The following QRICH2 variants were observed in gnomAD, a reference collection of about 807,000 sequenced individuals.
The protein encoded by QRICH2 is glutamine rich 2.
QRICH2 carries 119 observed loss-of-function variants against 168.3 expected under a neutral mutation model. The observed-to-expected ratio is 0.71, with a 90% confidence interval of 0.61 to 0.82. The LOEUF (loss-of-function observed/expected upper bound fraction) is 0.82. Ranked by LOEUF, QRICH2 falls within the 40% of genes least tolerant of loss-of-function variation. The pLI, the probability that QRICH2 is intolerant of heterozygous loss-of-function variation, is 0.00. For missense variants in QRICH2, 2,241 were observed against 2,491.6 expected (o/e 0.90, Z 2.14); for synonymous variants, 894 against 951.2 (o/e 0.94, Z 1.11).
At chr17:76,278,989 C>G (rs2070738304) in intron 14 of QRICH2, 52 bp downstream of exon 14, 2 of 1,479,866 alleles carry the variant, frequency 1.4e-6, no homozygotes, top group Non-Finnish European at 1.9e-6. Context: ...CCTTCCCCAT[C>G]CAGAGCCCTG....
Position 76,280,528 on chromosome 17 carries a change from C to T in QRICH2, c.4462-77G>A. On this transcript the variant is annotated intron_variant, in intron 10 of 18. Coordinates refer to ENST00000680821, the MANE Select transcript of QRICH2 (RefSeq NM_001388453.1). This position sits in a 1 kb window ranked among gnomAD's most constrained non-coding sequence, Gnocchi z 7.4. Reference sequence around the variant, plus strand: ...GCCCCATTCCCTGGGGGTGTCGACCCCTATCACCAGGCAGGTTTCTGAGAG... The same window carrying T: ...GCCCCATTCCCTGGGGGTGTCGACCTCTATCACCAGGCAGGTTTCTGAGAG... The T allele has an allele frequency of 6.3e-7, 1 of 1,592,948 alleles. No individual in the cohort carries two copies. Among genetic ancestry groups the T allele is most frequent in the South Asian group, 1.1e-5 (1 of 88,640 alleles).
Position 76,275,808 on chromosome 17 carries a change from AG to A in QRICH2, c.5482+10del. 12 of 1,603,674 alleles carry A rather than the reference AG, an allele frequency of 7.5e-6. No homozygotes were observed. The highest frequency in any genetic ancestry group is 1.0e-5 in the Non-Finnish European group (12 of 1,179,334). On this transcript the variant is annotated intron_variant, in intron 18 of 18. Transcript: ENST00000680821. ...AGGCCTGGCAGGACGCCCCACCCAGAGGGAAGCTACCTGAGGTGTTGCCAGC... is the reference window on the plus strand; with the variant it reads ...AGGCCTGGCAGGACGCCCCACCCAGAGGAAGCTACCTGAGGTGTTGCCAGC...
In QRICH2 at chr17:76,280,785, C is replaced by T. The variant is rs2070773584; in HGVS notation, c.4386+46G>A. 1 of 1,613,924 alleles carries T rather than the reference C, an allele frequency of 6.2e-7. No individual in the cohort carries two copies. The highest frequency in any genetic ancestry group is 8.5e-7 in the Non-Finnish European group (1 of 1,180,014). On this transcript the variant is annotated intron_variant, in intron 9 of 18. Transcript: ENST00000680821. The surrounding 1 kb of genome is among the most constrained non-coding windows in gnomAD (Gnocchi z 7.4). ...AGCCAGCAGCTGCGGGGCTAGGGCA[C>T]CACATTGAGCCCCGGCCCCATCCCA...
rs370970215 is a variant in QRICH2, at chr17:76,279,999, G to A, written c.4748+34C>T. On this transcript the variant is annotated intron_variant, in intron 12 of 18. Transcript: ENST00000680821. Reference sequence around the variant, plus strand: ...CCTCTGCCCTCACCCCCTGAAGAGCGTGCCAGCCTCCTCCCCTGCCTCCCA... The same window carrying A: ...CCTCTGCCCTCACCCCCTGAAGAGCATGCCAGCCTCCTCCCCTGCCTCCCA... The A allele has an allele frequency of 1.9e-3, 3,030 of 1,574,998 alleles. 7 individuals are homozygous for A. Among genetic ancestry groups the A allele is most frequent in the Middle Eastern group, 5.5e-3 (27 of 4,876 alleles).
chr17:76,277,547 CAT>C (rs1472708743), intron 15 of QRICH2, among the ~76,000 whole-genome samples: 1 of 152,072 alleles, frequency 6.6e-6, no homozygotes, highest in Non-Finnish European at 1.5e-5. Flanking sequence ...CACACTCACA[CAT>C]GTACTCATAC....
chr17:76,287,342 C>G (rs537853990), intron 6 of QRICH2, 36 bp from the exon 7 acceptor site: 38 of 1,497,692 alleles, frequency 2.5e-5, no homozygotes, highest in Non-Finnish European at 3.4e-5. Flanking sequence ...AGACTCCACA[C>G]TCAGGCCAGA....
chr17:76,276,871 C>A (rs1381149522), intron 16 of QRICH2, 104 bp from the exon 17 acceptor site: 4 of 895,206 alleles, frequency 4.5e-6, no homozygotes, highest in Non-Finnish European at 6.8e-6. Flanking sequence ...CAGAACCCTC[C>A]TGGGGGGCTC....
At chr17:76,276,330 G>A (rs1237190318) in intron 17 of QRICH2, among the ~76,000 whole-genome samples, 1 of 152,242 alleles carries the variant, frequency 6.6e-6, no homozygotes, top group East Asian at 1.9e-4. Flanking sequence ...GGGGGCTGAA[G>A]CGGTGGGGCT....
chr17:76,290,892 A>G, intron 4 of QRICH2, 123 bp downstream of exon 4: 1 of 1,429,790 alleles, frequency 7.0e-7, no homozygotes, highest in Non-Finnish European at 9.4e-7. Flanking sequence ...TCTGAATGAC[A>G]TGCTGTTTTC....
intron 18 of QRICH2, among the ~76,000 whole-genome samples, chr17:76,274,717 C>T (rs1568100956): frequency 6.6e-6 from 1 of 152,182 alleles, no homozygotes; most frequent in Non-Finnish European, 1.5e-5. Flanking sequence ...CATGTGCTCA[C>T]TGTCCACCAC....
upstream of QRICH2, chr17:76,309,923 T>C (rs1351842984): frequency 6.6e-6 from 1 of 152,118 alleles, no homozygotes; most frequent in African/African-American, 2.4e-5. Flanking sequence ...CGATCATCAT[T>C]ATATTCCAAT....
intron 7 of QRICH2, among the ~76,000 whole-genome samples, chr17:76,285,599 A>G (rs2070868090): frequency 6.6e-6 from 1 of 150,524 alleles, no homozygotes; most frequent in Non-Finnish European, 1.5e-5. Context: ...AGGCCAGGCC[A>G]GTACTTTGGG....
At chr17:76,294,280 C>T (rs1248232191) in intron 3 of QRICH2, among the ~76,000 whole-genome samples, 2 of 151,858 alleles carry the variant, frequency 1.3e-5, no homozygotes, top group Non-Finnish European at 2.9e-5. Context: ...CAAAATTAGC[C>T]AGGCGTGGTG....
chr17:76,308,622 C>T (rs910177203), upstream of QRICH2: 2 of 371,602 alleles, frequency 5.4e-6, no homozygotes, highest in African/African-American at 2.2e-5. Flanking sequence ...TCAGACAGTC[C>T]ACATATTTTG....
chr17:76,279,118 AC>A lies in QRICH2; in HGVS notation c.4838del (p.Gly1613ValfsTer57). ...TGHAIPVTPA[G>X]PGLPGHHSIR... is the part of the protein sequence containing the mutation. ...TGGAATGGTGCCCAGGTAGGCCTGG[AC>A]CCGCGGGGGTCACGGGGATGGCACT... On this transcript the variant is annotated frameshift_variant, in exon 14 of 19. Transcript: ENST00000680821. LOFTEE classifies it high-confidence loss of function. 1 of 1,613,478 alleles carries A rather than the reference AC, an allele frequency of 6.2e-7. No individual in the cohort carries two copies. Among genetic ancestry groups the A allele is most frequent in the Non-Finnish European group, 8.5e-7 (1 of 1,179,924 alleles).
At chr17:76,304,645 T>C (rs2070961073) in intron 2 of QRICH2, 120 bp from the exon 3 acceptor site, 1 of 749,200 alleles carries the variant, frequency 1.3e-6, no homozygotes. Flanking sequence ...CCAGGGAGAA[T>C]TCATCACCCT....
intron 3 of QRICH2, among the ~76,000 whole-genome samples, chr17:76,302,522 G>A (rs958349682): frequency 3.3e-5 from 5 of 152,272 alleles, no homozygotes; most frequent in African/African-American, 1.2e-4. Flanking sequence ...GGAGTATCCC[G>A]GATTATCCGG....
At position 76,292,089 on chromosome 17, in the gene QRICH2, C is replaced by A; in HGVS notation, c.2638G>T (p.Gly880Cys). 6.2e-7 allele frequency: 1 copy of A among 1,613,172 alleles called. No homozygotes were observed. Among genetic ancestry groups the A allele is most frequent in the Non-Finnish European group, 8.5e-7 (1 of 1,179,244 alleles). Residue 880 changes from glycine (G) to cysteine (C), a missense_variant, in exon 4 of 19, where the codon GGT (glycine) becomes TGT (cysteine). Coordinates refer to ENST00000680821, the MANE Select transcript of QRICH2 (RefSeq NM_001388453.1). The part of the protein sequence containing the change: ...GLVQPGVDQR[G>C]LVQPGMDQRG... ...TGGTCCATTCCAGGTTGGACCAAAC[C>A]ACGCTGATCCACTCCAGGTTGCACC...
Position 76,292,383 on chromosome 17 carries a change from C to T in QRICH2, c.2344G>A (p.Ala782Thr), listed in dbSNP as rs773703452. The change falls in exon 4 of 19, where the codon GCA (alanine) becomes ACA (threonine). Residue 782 changes from alanine (A) to threonine (T), a missense_variant. Ala to Thr is a moderately conservative substitution (Grantham distance 58, BLOSUM62 0). Coordinates refer to ENST00000680821, the MANE Select transcript of QRICH2 (RefSeq NM_001388453.1). ...VQPGVDQHGL[A>T]QPGEVQRSLV... ...CTACGCTGAACTTCACCAGGTTGTG[C>T]CAAACCATGCTGATCCACTCCAGGT... is the stretch of plus-strand genomic sequence containing the variant. 1.9e-6 allele frequency: 3 copies of T among 1,603,206 alleles called. No homozygotes were observed. Among genetic ancestry groups the T allele is most frequent in the South Asian group, 2.2e-5 (2 of 89,472 alleles).
Sources: allele counts gnomAD v4.1 joint callset (sites outside exome capture counted in the v4.1 genomes callset), GRCh38; gene constraint gnomAD v4.1.1; non-coding constraint Gnocchi (gnomAD v3.1); transcripts MANE v1.5; gene names NCBI Gene and HGNC (gene_info 2026-07-23, HGNC 2026-07-21).